Variants in RACGAP1 observed in about 807,000 individuals in gnomAD.
RACGAP1 encodes rac GTPase-activating protein 1.
A neutral mutation model predicts 78.1 loss-of-function variants in RACGAP1; 30 were observed. The ratio of observed to expected loss-of-function variants is 0.38; its 90% confidence interval spans 0.29 to 0.52. The LOEUF is 0.52. Among genes scored for constraint, RACGAP1 ranks in the 20% least tolerant of loss-of-function variants. The probability of loss-of-function intolerance (pLI) is 0.82; values close to 1 mark genes in which losing one functional copy is unlikely to be tolerated. For synonymous variants in RACGAP1, 231 were observed against 264.8 expected, an observed-to-expected ratio of 0.87 and a Z score of 1.24; for missense variants, 587 against 777.1, an observed-to-expected ratio of 0.76 and a Z score of 2.91.
At chr12:49,994,653 TAA>T (rs1291079772) in intron 10 of RACGAP1, 144 bp from the exon 11 acceptor site, 1 of 1,321,878 alleles carries the variant, frequency 7.6e-7, no homozygotes, top group Middle Eastern at 2.7e-4. Flanking sequence ...AAGCATATAT[TAA>T]AACAGAGACT....
chr12:50,001,447 G>A (rs1460171793), intron 6 of RACGAP1, among the ~76,000 whole-genome samples, 195 bp from the exon 7 acceptor site: 1 of 152,006 alleles, frequency 6.6e-6, no homozygotes, highest in Non-Finnish European at 1.5e-5. Context: ...AGAATATGTT[G>A]TACAAAAATG....
At chr12:49,999,541 G>A in intron 8 of RACGAP1, 75 bp downstream of exon 8, 1 of 1,309,448 alleles carries the variant, frequency 7.6e-7, no homozygotes, top group East Asian at 2.3e-5. Flanking sequence ...GCCTCCAGAG[G>A]GTTCTAAGAA....
upstream of RACGAP1, chr12:50,025,600 G>T: frequency 1.0e-6 from 1 of 954,018 alleles, no homozygotes. Context: ...GAATGAGCAT[G>T]CGCATTCTGA....
upstream of RACGAP1, among the ~76,000 whole-genome samples, chr12:50,026,724 G>A (rs2137767869): frequency 6.6e-6 from 1 of 152,304 alleles, no homozygotes; most frequent in Non-Finnish European, 1.5e-5. Flanking sequence ...GTCTTACTCT[G>A]TCACGCAGGC....
At chr12:50,026,001 A>G (rs191158076), upstream of RACGAP1, among the ~76,000 whole-genome samples, 124 of 152,346 alleles carry the variant, frequency 8.1e-4, 2 homozygotes, top group Admixed American at 5.6e-3. Flanking sequence ...TATGGTCTCT[A>G]CTGTCCAGTA....
intron 1 of RACGAP1, among the ~76,000 whole-genome samples, chr12:50,021,420 G>C (rs757335991): frequency 2.6e-5 from 4 of 152,220 alleles, no homozygotes; most frequent in Non-Finnish European, 5.9e-5. Flanking sequence ...TTCCCAATCT[G>C]TGAGTATCCC....
chr12:50,013,708 C>T lies in RACGAP1; in HGVS notation c.85+2923G>A, dbSNP rs151086423. On this transcript the variant is annotated intron_variant, in intron 2 of 16. Transcript: ENST00000312377. ...CACCCTCTTGCTCTGCTCAGGCTGT[C>T]GCCTGATCTAAAATACCCCCTTTCA... Among the ~76,000 whole-genome samples, 5 of 152,310 alleles carry T rather than the reference C, an allele frequency of 3.3e-5. No individual in the cohort carries two copies. In the East Asian group the frequency reaches 7.7e-4, roughly 24 times the overall value.
chr12:49,991,870 G>C, intron 15 of RACGAP1, 128 bp downstream of exon 15: 1 of 1,526,370 alleles, frequency 6.6e-7, no homozygotes, highest in Non-Finnish European at 8.7e-7. Flanking sequence ...AAATTACGAT[G>C]GTAGAATTAT....
At chr12:50,016,096 A>G (rs1307773012) in intron 2 of RACGAP1, among the ~76,000 whole-genome samples, 1 of 151,666 alleles carries the variant, frequency 6.6e-6, no homozygotes, top group Non-Finnish European at 1.5e-5. Flanking sequence ...GATAATAAAA[A>G]AGCAGCCGGG....
intron 1 of RACGAP1, 117 bp from the exon 2 acceptor site, chr12:50,016,836 T>C (rs1446970137): frequency 2.2e-6 from 3 of 1,390,812 alleles, no homozygotes; most frequent in Non-Finnish European, 9.6e-7. Context: ...TAACTACCAT[T>C]ATAAGAATCT....
chr12:50,007,939 T>A (rs1403249256), intron 2 of RACGAP1, among the ~76,000 whole-genome samples: 1 of 150,894 alleles, frequency 6.6e-6, no homozygotes, highest in Non-Finnish European at 1.5e-5. Context: ...AAAACATATA[T>A]GTTTGCAAAC....
intron 2 of RACGAP1, among the ~76,000 whole-genome samples, chr12:50,011,357 A>T (rs2137529537): frequency 6.6e-6 from 1 of 151,806 alleles, no homozygotes; most frequent in South Asian, 2.1e-4. Flanking sequence ...AAAAGAAAAA[A>T]GAGGACAGAC....
chr12:50,007,905 G>T (rs527472784), intron 2 of RACGAP1, among the ~76,000 whole-genome samples: 5 of 141,618 alleles, frequency 3.5e-5, no homozygotes, highest in African/African-American at 1.3e-4. Context: ...TTTTTTGTGG[G>T]TTTTTTTTTT....
At chr12:50,020,528 G>C (rs936076326) in intron 1 of RACGAP1, among the ~76,000 whole-genome samples, 1 of 152,088 alleles carries the variant, frequency 6.6e-6, no homozygotes, top group Admixed American at 6.6e-5. Flanking sequence ...GGGCAACTAA[G>C]TCCAGAAACC....
chr12:50,016,793 C>G, intron 1 of RACGAP1, 74 bp from the exon 2 acceptor site: 2 of 1,487,748 alleles, frequency 1.3e-6, no homozygotes, highest in Non-Finnish European at 1.8e-6. Flanking sequence ...GCAATCCAGC[C>G]ATTAGTGACC....
At position 49,990,022 on chromosome 12, in the gene RACGAP1, C is replaced by A. The variant is rs1252635238; in HGVS notation, c.*246G>T. ...CCAATTCCATACTAACCCTTCTACC[C>A]CTGGAAAGATGTCTCATCTAAAAGC... On this transcript the variant is annotated 3_prime_UTR_variant, in exon 17 of 17. Coordinates refer to ENST00000312377, the MANE Select transcript of RACGAP1 (RefSeq NM_001319999.2). 1 of 414,736 alleles carries A rather than the reference C, an allele frequency of 2.4e-6. No individual in the cohort carries two copies. The highest frequency in any genetic ancestry group is 4.3e-6 in the Non-Finnish European group (1 of 231,144). The allele number at this position is 414,736 out of a possible 1,614,324, so 25.7% of individuals were successfully genotyped here.
intron 2 of RACGAP1, among the ~76,000 whole-genome samples, chr12:50,030,642 T>C (rs1416837989): frequency 6.6e-6 from 1 of 151,988 alleles, no homozygotes; most frequent in East Asian, 1.9e-4. Context: ...TAACCCGCGA[T>C]TGCGCCACTG....
In RACGAP1 at chr12:49,990,892, C is replaced by T. The variant is rs1406476898; in HGVS notation, c.1715-100G>A. The T allele has an allele frequency of 8.4e-6, 7 of 831,850 alleles. No individual in the cohort carries two copies. In the African/African-American group the frequency reaches 1.2e-4, roughly 14 times the overall value. 51.5% of individuals were successfully genotyped at this position (831,850 alleles called of 1,614,324 possible). A position where few individuals can be genotyped will look rare whatever the true frequency, so the allele number is the denominator to read the frequency against. On this transcript the variant is annotated intron_variant, in intron 15 of 16. Transcript: ENST00000312377. ...GATTACCCTCTGAAGCACTTAAGAG[C>T]TAAGGTTAGACATCTAGCAAAGTCC...
intron 2 of RACGAP1, among the ~76,000 whole-genome samples, chr12:50,013,236 A>C (rs953494215): frequency 6.6e-6 from 1 of 152,202 alleles, no homozygotes; most frequent in Admixed American, 6.5e-5. Context: ...TTTTTGGCAT[A>C]ATCATTTCCC....
Sources: allele counts gnomAD v4.1 joint callset (sites outside exome capture counted in the v4.1 genomes callset), GRCh38; gene constraint gnomAD v4.1.1; transcripts MANE v1.5; gene names NCBI Gene and HGNC (gene_info 2026-07-23, HGNC 2026-07-21).